TEP1: variants seen among roughly 807,000 people sequenced by gnomAD.
The protein encoded by TEP1 is telomerase protein component 1.
Under a neutral mutation model 306.3 loss-of-function variants are expected in TEP1, and 241 were observed. That is an observed-to-expected ratio of 0.79 (90% CI 0.71 to 0.88). The LOEUF (loss-of-function observed/expected upper bound fraction) is 0.88. TEP1 is among the 40% of genes least tolerant of loss of function. The pLI, the probability that TEP1 is intolerant of heterozygous loss-of-function variation, is 0.00. For missense variants in TEP1, 3,051 were observed against 3,276.1 expected (o/e 0.93, Z 1.68); for synonymous variants, 1,289 against 1,305.5 (o/e 0.99, Z 0.27).
Position 20,378,752 on chromosome 14 carries a change from A to G in TEP1, c.5352+2T>C. On this transcript the variant is annotated splice_donor_variant, in intron 37 of 54. Transcript: ENST00000262715. LOFTEE classifies it high-confidence loss of function. ...CTGACCACTGCAGACCCCAAGTCTTACCTTTAGGCATCCTCCCAAGCACAC... is the reference window on the plus strand; with the variant it reads ...CTGACCACTGCAGACCCCAAGTCTTGCCTTTAGGCATCCTCCCAAGCACAC... 1 of 1,613,978 alleles carries G rather than the reference A, an allele frequency of 6.2e-7. No homozygotes were observed. Among genetic ancestry groups the G allele is most frequent in the South Asian group, 1.1e-5 (1 of 91,084 alleles).
chr14:20,371,457 A>G (rs1884832963), intron 50 of TEP1, 32 bp downstream of exon 50: 2 of 1,607,216 alleles, frequency 1.2e-6, no homozygotes, highest in Admixed American at 1.7e-5. Flanking sequence ...CTTTTTCCCC[A>G]GCTCAGGAGG....
intron 45 of TEP1, 34 bp from the exon 46 acceptor site, chr14:20,373,617 G>C (rs779977130): frequency 1.9e-6 from 3 of 1,614,216 alleles, no homozygotes; most frequent in Non-Finnish European, 2.5e-6. Context: ...CAGAAGAAGG[G>C]ACGGAGCAGG....
Position 20,386,470 on chromosome 14 carries a change from A to C in TEP1, c.2838T>G (p.Thr946=). The C allele has an allele frequency of 6.2e-7, 1 of 1,607,756 alleles. No homozygotes were observed. Among genetic ancestry groups the C allele is most frequent in the Non-Finnish European group, 8.5e-7 (1 of 1,176,446 alleles). The change falls in exon 19 of 55, where the codon ACT becomes ACG. Residue 946 remains threonine, a synonymous_variant. Transcript: ENST00000262715. ...LHGIDLRWGV[T]EEETRRNRQL... ...ACCTGTTCCTACGGGTCTCCTCCTC[A>C]GTGACGCCCCAGCGGAGGTCGATTC...
rs1377990205 is a variant in TEP1 at position 20,395,454 on chromosome 14, C to A, written c.1924G>T (p.Ala642Ser). The A allele has an allele frequency of 6.3e-7, 1 of 1,591,242 alleles. No individual in the cohort carries two copies. The highest frequency in any genetic ancestry group is 8.6e-7 in the Non-Finnish European group (1 of 1,162,458). ...LKREKLRVHK[A>S]RQWKYDGEML... ...TCCCAGACAGTGCATACATACCTGG[C>A]CTTGTGTACTCTCAGCTTCTCCCTC... Residue 642 changes from alanine (A) to serine (S), a missense_variant, in exon 12 of 55, where the codon GCC becomes TCC. Physicochemically the swap from Ala to Ser is moderately conservative, Grantham distance 99. Coordinates refer to ENST00000262715, the MANE Select transcript of TEP1 (RefSeq NM_007110.5).
chr14:20,401,508 C>T lies in TEP1; in HGVS notation c.1340G>A (p.Arg447Gln), dbSNP rs764872954. The T allele has an allele frequency of 3.7e-6, 6 of 1,614,068 alleles. No individual in the cohort carries two copies. The Admixed American group carries it at 5.0e-5, about 13-fold the overall frequency. The change falls in exon 8 of 55, where the codon CGA becomes CAA. Residue 447 changes from arginine (R) to glutamine (Q), a missense_variant. This residue lies in a region of TEP1 where 1,507 missense variants were observed against 1,550.5 expected (regional missense o/e 0.97). Transcript: ENST00000262715. ...CTGGGCAGGCTTGTGGATGTGCAGT[C>T]GCTGAACCAGCTTCTTCAGGGTGAA... ...PRFTLKKLVQRLHIHKPAQHV... is the reference protein window; with the variant it reads ...PRFTLKKLVQQLHIHKPAQHV...
At position 20,371,537 on chromosome 14, in the gene TEP1, T is replaced by G; in HGVS notation, c.7172A>C (p.Asp2391Ala). 1.2e-6 allele frequency: 2 copies of G among 1,608,822 alleles called. No homozygotes were observed. The highest frequency in any genetic ancestry group is 1.7e-6 in the Non-Finnish European group (2 of 1,178,918). Reference protein sequence around the residue: ...DGHFLILAKADLKLLCMKPGD... With the variant: ...DGHFLILAKAALKLLCMKPGD... ...TGGCTTCATGCAAAGTAACTTCAAA[T>G]CTGCTTTGGCCAAGATGAGAAAGTG... Residue 2391 changes from aspartate (D) to alanine (A), a missense_variant, in exon 50 of 55, where the codon GAT becomes GCT. Asp to Ala is a moderately radical substitution (Grantham distance 126). Around this residue, in one of 3 missense-constraint regions of TEP1, gnomAD observed 1,540 missense variants for 1,705.9 expected, o/e 0.90. Transcript: ENST00000262715.
rs1225976608 is a variant in TEP1, at chr14:20,389,616, T to G, written c.2459A>C (p.Gln820Pro). The G allele has an allele frequency of 2.5e-6, 4 of 1,614,180 alleles. No individual in the cohort carries two copies. Among genetic ancestry groups the G allele is most frequent in the Non-Finnish European group, 3.4e-6 (4 of 1,180,014 alleles). ...GAAGTATAAGCACCCTTACAGGTAT[T>G]GTACCCTTCTTAGGAGGATACCAAC... ...LFVGILLRRV[Q>P]YLSTDLNPND... is the part of the protein sequence containing the mutation. The change falls in exon 16 of 55, where the codon CAA becomes CCA. Residue 820 changes from glutamine to proline, a missense_variant. Around this residue, in one of 3 missense-constraint regions of TEP1, gnomAD observed 1,507 missense variants for 1,550.5 expected, o/e 0.97. Coordinates refer to ENST00000262715, the MANE Select transcript of TEP1 (RefSeq NM_007110.5).
Position 20,384,943 on chromosome 14 carries a change from C to G in TEP1, c.3107+42G>C, listed in dbSNP as rs757046965. 2.5e-6 allele frequency: 4 copies of G among 1,613,730 alleles called. No homozygotes were observed. The Admixed American group carries it at 6.7e-5, about 27-fold the overall frequency. ...AGGAGAGAAGACTGGCCTGTCTGGC[C>G]TTTTGGGGAAGGAGCCCCAGCCTGC... On this transcript the variant is annotated intron_variant, in intron 21 of 54. Transcript: ENST00000262715.
At position 20,384,376 on chromosome 14, in the gene TEP1, A is replaced by G. The variant is rs762919387; in HGVS notation, c.3339+15T>C. 2.5e-5 allele frequency: 41 copies of G among 1,613,892 alleles called. No homozygotes were observed. The highest frequency in any genetic ancestry group is 3.2e-5 in the Non-Finnish European group (38 of 1,179,908). ...GTCCCTCTCCATGCCTCTGGTCACC[A>G]GTGCTTCTGCTGACCTGCAGGTAGA... On this transcript the variant is annotated intron_variant, in intron 23 of 54. Transcript: ENST00000262715.
At position 20,391,060 on chromosome 14, in the gene TEP1, T is replaced by C. The variant is rs78530407; in HGVS notation, c.2134A>G (p.Met712Val). 6.2e-7 allele frequency: 1 copy of C among 1,614,162 alleles called. No homozygotes were observed. The highest frequency in any genetic ancestry group is 8.5e-7 in the Non-Finnish European group (1 of 1,180,032). ...LNYALLLIGM[M>V]ITRAEQVDVV... ...TCCACCTGCTCCGCCCTCGTGATCATCATCCCAATCAACAGCAGTGCATAG... is the reference window on the plus strand; with the variant it reads ...TCCACCTGCTCCGCCCTCGTGATCACCATCCCAATCAACAGCAGTGCATAG... Residue 712 changes from methionine to valine, a missense_variant, in exon 14 of 55, where the codon ATG (methionine) becomes GTG (valine). Physicochemically the swap from Met to Val is conservative, Grantham distance 21 (BLOSUM62 1). Coordinates refer to ENST00000262715, the MANE Select transcript of TEP1 (RefSeq NM_007110.5).
At chr14:20,374,157 C>A (rs911232789) in intron 44 of TEP1, among the ~76,000 whole-genome samples, 5 of 151,262 alleles carry the variant, frequency 3.3e-5, no homozygotes, top group Non-Finnish European at 7.4e-5. Context: ...GTGGTTTGAT[C>A]ATAGCTCACT....
In TEP1 at chr14:20,381,907, C is replaced by G. The variant is rs748522564; in HGVS notation, c.4424+6G>C. ...GTCAGCGGGAGCTCTGCTGGGGCAC[C>G]TGTACCTGCGCAGACTCTGGACGAG... On this transcript the variant is annotated splice_donor_region_variant and intron_variant, in intron 30 of 54. Coordinates refer to ENST00000262715, the MANE Select transcript of TEP1 (RefSeq NM_007110.5). This position sits in a 1 kb window ranked among gnomAD's most constrained non-coding sequence, Gnocchi z 4.0. The G allele has an allele frequency of 5.0e-6, 8 of 1,613,674 alleles. No individual in the cohort carries two copies. The highest frequency in any genetic ancestry group is 1.1e-5 in the South Asian group (1 of 91,046).
intron 12 of TEP1, among the ~76,000 whole-genome samples, 183 bp from the exon 13 acceptor site, chr14:20,391,950 C>T (rs1467274197): frequency 6.6e-6 from 1 of 152,162 alleles, no homozygotes; most frequent in Non-Finnish European, 1.5e-5. Flanking sequence ...CCTCTGCCCC[C>T]ATCCTATAGG....
chr14:20,408,499 C>T, intron 1 of TEP1, 36 bp from the exon 2 acceptor site: 1 of 1,515,794 alleles, frequency 6.6e-7, no homozygotes, highest in South Asian at 1.2e-5. Context: ...GAGCACCTGG[C>T]TGCACTGAGC....
At position 20,383,190 on chromosome 14, in the gene TEP1, G is replaced by A; in HGVS notation, c.4031C>T (p.Ser1344Leu). The A allele has an allele frequency of 3.1e-6, 5 of 1,603,060 alleles. No homozygotes were observed. The highest frequency in any genetic ancestry group is 4.3e-6 in the Non-Finnish European group (5 of 1,175,208). The change falls in exon 27 of 55, where the codon TCA becomes TTA. Residue 1344 changes from serine to leucine, a missense_variant. Around this residue, in one of 3 missense-constraint regions of TEP1, gnomAD observed 1,540 missense variants for 1,705.9 expected, o/e 0.90. Coordinates refer to ENST00000262715, the MANE Select transcript of TEP1 (RefSeq NM_007110.5). ...LALYGKRLEE[S>L]PFNNQMRLLL... ...GAACCCAACCTGGTTGTTAAATGGT[G>A]ACTCCTCCAGCCGCTTCCCGTACAG...
At chr14:20,373,178 G>A in intron 47 of TEP1, 31 bp from the exon 48 acceptor site, 1 of 1,613,872 alleles carries the variant, frequency 6.2e-7, no homozygotes, top group Non-Finnish European at 8.5e-7. Flanking sequence ...TTCATTAGGA[G>A]CTGGGATACT....
Position 20,371,304 on chromosome 14 carries a change from T to C in TEP1, c.7231A>G (p.Thr2411Ala). 6.2e-7 allele frequency: 1 copy of C among 1,614,114 alleles called. No individual in the cohort carries two copies. The highest frequency in any genetic ancestry group is 8.5e-7 in the Non-Finnish European group (1 of 1,179,964). The change falls in exon 51 of 55, where the codon ACA (threonine) becomes GCA (alanine). Residue 2411 changes from threonine (T) to alanine (A), a missense_variant. By Grantham distance (58) the Thr-to-Ala change is moderately conservative. Coordinates refer to ENST00000262715, the MANE Select transcript of TEP1 (RefSeq NM_007110.5). ...DAPSEIWSSYTENPMILSTHK... is the reference protein window; with the variant it reads ...DAPSEIWSSYAENPMILSTHK... Reference sequence around the variant, plus strand: ...GTGGACAATATCATAGGATTTTCTGTATAGCTGCTCCTGGTTTGTGAGAAA... The same window carrying C: ...GTGGACAATATCATAGGATTTTCTGCATAGCTGCTCCTGGTTTGTGAGAAA...
Position 20,384,030 on chromosome 14 carries a change from C to T in TEP1, c.3534+8G>A. ...CTCCCTCCTGCCCAGGCCCCTGAGA[C>T]TCTGTACCAGGAAGGCTGTCTTGCC... On this transcript the variant is annotated splice_region_variant and intron_variant, in intron 24 of 54. Coordinates refer to ENST00000262715, the MANE Select transcript of TEP1 (RefSeq NM_007110.5). 1 of 1,597,144 alleles carries T rather than the reference C, an allele frequency of 6.3e-7. No individual in the cohort carries two copies. Among genetic ancestry groups the T allele is most frequent in the Admixed American group, 1.7e-5 (1 of 58,870 alleles).
intron 1 of TEP1, among the ~76,000 whole-genome samples, chr14:20,409,738 T>C (rs746604244): frequency 6.6e-6 from 1 of 152,082 alleles, no homozygotes; most frequent in Non-Finnish European, 1.5e-5. Flanking sequence ...AGAAAAATGC[T>C]GGCCGGGCGC....
Sources: gnomAD v4.1 joint callset for allele counts (sites outside exome capture counted in the v4.1 genomes callset) on GRCh38, gnomAD v4.1.1 for gene constraint, gnomAD v4.1.1 regional missense constraint, Gnocchi (gnomAD v3.1) non-coding constraint, MANE v1.5 for transcripts, NCBI Gene and HGNC (gene_info 2026-07-23, HGNC 2026-07-21) for gene names.